The following PDE7B variants were observed in gnomAD, a reference collection of about 807,000 sequenced individuals.
PDE7B encodes the protein 3',5'-cyclic-AMP phosphodiesterase 7B.
A neutral mutation model predicts 56.2 loss-of-function variants in PDE7B; 29 were observed. The observed-to-expected ratio is 0.52, with a 90% CI of 0.38 to 0.70. The LOEUF (loss-of-function observed/expected upper bound fraction) is 0.70, where lower values mean the gene tolerates loss of function less well. Ranked by LOEUF, PDE7B falls within the 30% of genes least tolerant of loss-of-function variation. The pLI is 0.00. For missense variants in PDE7B, 490 were observed against 565.0 expected (o/e 0.87, Z 1.35); for synonymous variants, 197 against 196.9 (o/e 1.00, Z 0.00).
At chr6:135,944,084 C>T (rs574917305) in intron 1 of PDE7B, among the ~76,000 whole-genome samples, 92 of 152,288 alleles carry the variant, frequency 6.0e-4, no homozygotes, top group African/African-American at 2.2e-3. Flanking sequence ...AGATTGGATC[C>T]TGAGAATTAG....
In PDE7B at chr6:136,191,729, G is replaced by C; in HGVS notation, c.1242G>C (p.Lys414Asn). The C allele has an allele frequency of 6.2e-7, 1 of 1,610,148 alleles. No individual in the cohort carries two copies. The highest frequency in any genetic ancestry group is 2.2e-5 in the East Asian group (1 of 44,626). The change falls in exon 13 of 13, where the codon AAG becomes AAC. Residue 414 changes from lysine (K) to asparagine (N), a missense_variant. Physicochemically the swap from Lys to Asn is moderately conservative, Grantham distance 94 (BLOSUM62 0). Transcript: ENST00000308191. ...GHLAHNKAQWKSLLPRQHRSR... is the reference protein window; with the variant it reads ...GHLAHNKAQWNSLLPRQHRSR... ...TCGCACACAACAAGGCCCAGTGGAA[G>C]AGCCTGTTGCCCAGGCAGCACAGAA...
intron 1 of PDE7B, among the ~76,000 whole-genome samples, chr6:135,868,555 C>T (rs774816910): frequency 6.6e-6 from 1 of 152,186 alleles, no homozygotes; most frequent in Non-Finnish European, 1.5e-5. Flanking sequence ...CCTCAGCCTC[C>T]TAAGTAGCTG....
chr6:136,124,451 T>C (rs537608570), intron 3 of PDE7B, among the ~76,000 whole-genome samples: 1 of 152,242 alleles, frequency 6.6e-6, no homozygotes, highest in East Asian at 1.9e-4. Context: ...GCTATGCAAA[T>C]GAAAGAACAT....
intron 3 of PDE7B, among the ~76,000 whole-genome samples, chr6:136,126,973 A>G (rs1185346039): frequency 6.6e-6 from 1 of 152,230 alleles, no homozygotes; most frequent in Non-Finnish European, 1.5e-5. Flanking sequence ...TAAAAATTAT[A>G]CAAAAGAATA....
chr6:135,975,389 A>G (rs976860940), intron 2 of PDE7B, among the ~76,000 whole-genome samples: 3 of 152,134 alleles, frequency 2.0e-5, no homozygotes, highest in Non-Finnish European at 4.4e-5. Flanking sequence ...CCAGAAGGAT[A>G]TCATAAGCAG....
chr6:136,088,087 A>G lies in PDE7B; in HGVS notation c.83-20644A>G, dbSNP rs569095382. ...ACCAGTGCTACAAGACTAAAGTTCA[A>G]TGTCACTCTGAGTGTTTCTTTTACC... On this transcript the variant is annotated intron_variant, in intron 2 of 12. Transcript: ENST00000308191. 1.2e-4 allele frequency among the ~76,000 whole-genome samples: 18 copies of G among 152,296 alleles called. No individual in the cohort carries two copies. The South Asian group carries it at 3.7e-3, about 32-fold the overall frequency.
chr6:136,110,533 C>T (rs532881207), intron 3 of PDE7B, among the ~76,000 whole-genome samples: 2 of 152,230 alleles, frequency 1.3e-5, no homozygotes, highest in South Asian at 4.1e-4. Context: ...TTCATGGTTT[C>T]TAATATGAAC....
At chr6:135,998,649 A>C (rs951373913) in intron 2 of PDE7B, among the ~76,000 whole-genome samples, 1 of 152,092 alleles carries the variant, frequency 6.6e-6, no homozygotes. Flanking sequence ...TCAGCTACTC[A>C]GGAGGCTGAG....
At chr6:136,156,899 G>T (rs1778618486) in intron 8 of PDE7B, among the ~76,000 whole-genome samples, 1 of 151,984 alleles carries the variant, frequency 6.6e-6, no homozygotes, top group Non-Finnish European at 1.5e-5. Flanking sequence ...TCAAAAAGAT[G>T]AAAAAAATTT....
chr6:136,003,691 G>A, intron 2 of PDE7B, among the ~76,000 whole-genome samples: 1 of 152,200 alleles, frequency 6.6e-6, no homozygotes, highest in East Asian at 1.9e-4. Flanking sequence ...AACAGGCTCT[G>A]AAATTGTGGC....
At chr6:135,979,795 G>A (rs906984835) in intron 2 of PDE7B, among the ~76,000 whole-genome samples, 34 of 152,010 alleles carry the variant, frequency 2.2e-4, no homozygotes, top group African/African-American at 8.0e-4. Context: ...AAATAAAAGA[G>A]GATACAAATG....
At chr6:135,966,380 T>G (rs555261852) in intron 2 of PDE7B, among the ~76,000 whole-genome samples, 2 of 152,122 alleles carry the variant, frequency 1.3e-5, no homozygotes, top group Non-Finnish European at 2.9e-5. Context: ...CTAGTTTTAC[T>G]AAAAAACAAA....
Position 136,043,607 on chromosome 6 carries a change from A to G in PDE7B, c.83-65124A>G, listed in dbSNP as rs537651622. ...AAAAAAAAAAAAAAGTGCCTAGAAT[A>G]GAACCTAAGTTCCACCACACTCTCA... is the stretch of plus-strand genomic sequence containing the variant. On this transcript the variant is annotated intron_variant, in intron 2 of 12. Coordinates refer to ENST00000308191, the MANE Select transcript of PDE7B (RefSeq NM_018945.4). Among the ~76,000 whole-genome samples, 43 of 150,690 alleles carry G rather than the reference A, an allele frequency of 2.9e-4. No homozygotes were observed. The South Asian group carries it at 9.0e-3, about 32-fold the overall frequency.
In PDE7B at chr6:136,193,627, A is replaced by T. The variant is rs1302748280; in HGVS notation, c.*1787A>T. On this transcript the variant is annotated 3_prime_UTR_variant, in exon 13 of 13. Transcript: ENST00000308191. ...ATGCCCCTTTCTTTTTACTTTAAAC[A>T]ATGTGGTAGTGGGAGAATGACTGTT... 1 of 152,220 alleles carries T rather than the reference A, an allele frequency of 6.6e-6. No homozygotes were observed. Among genetic ancestry groups the T allele is most frequent in the African/African-American group, 2.4e-5 (1 of 41,458 alleles). 9.4% of individuals were successfully genotyped at this position (152,220 alleles called of 1,614,324 possible).
intron 1 of PDE7B, among the ~76,000 whole-genome samples, chr6:135,911,942 G>A (rs949102295): frequency 1.3e-5 from 2 of 152,050 alleles, no homozygotes; most frequent in African/African-American, 4.8e-5. Flanking sequence ...ATATTGAATG[G>A]CAGGACAAGT....
intron 3 of PDE7B, among the ~76,000 whole-genome samples, chr6:136,144,103 A>G (rs759734373): frequency 1.1e-4 from 16 of 152,084 alleles, no homozygotes; most frequent in Non-Finnish European, 1.9e-4. Flanking sequence ...TTATTGAATA[A>G]TTGATTTCAT....
chr6:136,029,664 A>T (rs924888547), intron 2 of PDE7B, among the ~76,000 whole-genome samples: 2 of 152,214 alleles, frequency 1.3e-5, no homozygotes, highest in African/African-American at 4.8e-5. Context: ...ATCATTTTAA[A>T]GTAATTTTCA....
intron 2 of PDE7B, among the ~76,000 whole-genome samples, chr6:136,050,293 T>C (rs1776601444): frequency 6.6e-6 from 1 of 152,152 alleles, no homozygotes. Context: ...TATACACACA[T>C]TTTTCTTGTT....
chr6:135,902,139 A>C (rs946975778), intron 1 of PDE7B, among the ~76,000 whole-genome samples: 13 of 152,314 alleles, frequency 8.5e-5, no homozygotes, highest in Admixed American at 7.9e-4. Flanking sequence ...GAACGTAAAC[A>C]GAAAATTTGT....
Sources: allele counts gnomAD v4.1 joint callset (sites outside exome capture counted in the v4.1 genomes callset), GRCh38; gene constraint gnomAD v4.1.1; transcripts MANE v1.5; gene names NCBI Gene and HGNC (gene_info 2026-07-23, HGNC 2026-07-21).